The following HYCC1 variants were observed in gnomAD, a reference collection of about 807,000 sequenced individuals.
HYCC1 encodes the protein hyccin.
the HYCC1 span, among the ~76,000 whole-genome samples, chr7:22,925,399 G>A: frequency 6.6e-6 from 1 of 152,186 alleles, no homozygotes; most frequent in Non-Finnish European, 1.5e-5. Context: ...AAAGGAGGAA[G>A]TTCGAACCAA....
the HYCC1 span, chr7:22,942,581 G>C: frequency 6.6e-6 from 1 of 152,138 alleles, no homozygotes; most frequent in South Asian, 2.1e-4. Context: ...GTGATTTCAA[G>C]AATCTATAGA....
the HYCC1 span, chr7:22,977,218 G>A: frequency 2.1e-5 from 15 of 700,282 alleles, no homozygotes; most frequent in African/African-American, 2.1e-4. Flanking sequence ...ATACTTTGTG[G>A]GTGTTTATAC....
At chr7:22,979,218 G>A in the HYCC1 span, among the ~76,000 whole-genome samples, 1 of 152,134 alleles carries the variant, frequency 6.6e-6, no homozygotes, top group Non-Finnish European at 1.5e-5. Flanking sequence ...TGGATGTTTT[G>A]ATTTCAAGTA....
chr7:22,914,359 G>A, the HYCC1 span, among the ~76,000 whole-genome samples: 2 of 152,068 alleles, frequency 1.3e-5, no homozygotes, highest in Non-Finnish European at 2.9e-5. Flanking sequence ...CTCTGGGCTT[G>A]CCTCCTTCAC....
At chr7:22,978,540 A>T in the HYCC1 span, 3 of 1,062,092 alleles carry the variant, frequency 2.8e-6, no homozygotes, top group Admixed American at 2.1e-5. Flanking sequence ...AGATTGGTAA[A>T]AATCATATCT....
the HYCC1 span, among the ~76,000 whole-genome samples, chr7:23,005,728 G>A: frequency 6.6e-6 from 1 of 152,148 alleles, no homozygotes; most frequent in Non-Finnish European, 1.5e-5. Flanking sequence ...CCTGAAGCAA[G>A]AGTCTTCCTT....
chr7:22,918,722 G>A, the HYCC1 span, among the ~76,000 whole-genome samples: 1 of 151,910 alleles, frequency 6.6e-6, no homozygotes, highest in Non-Finnish European at 1.5e-5. Context: ...TGAGCACCTT[G>A]TGACCCCCCA....
the HYCC1 span, among the ~76,000 whole-genome samples, chr7:22,986,474 G>C: frequency 6.6e-6 from 1 of 152,198 alleles, no homozygotes; most frequent in Admixed American, 6.5e-5. Context: ...TTAAATACTA[G>C]CTTAGCTTTC....
chr7:22,928,194 T>A, the HYCC1 span, among the ~76,000 whole-genome samples: 2 of 152,120 alleles, frequency 1.3e-5, no homozygotes, highest in African/African-American at 4.8e-5. Context: ...CTCAAAATAA[T>A]AAGAGCTATC....
At chr7:22,984,514 G>A in the HYCC1 span, among the ~76,000 whole-genome samples, 5 of 152,066 alleles carry the variant, frequency 3.3e-5, no homozygotes, top group African/African-American at 1.2e-4. Flanking sequence ...GACCCCAGGA[G>A]TTCAAGACCA....
the HYCC1 span, among the ~76,000 whole-genome samples, chr7:22,931,360 C>T: frequency 1.3e-5 from 2 of 151,394 alleles, no homozygotes; most frequent in African/African-American, 4.9e-5. Flanking sequence ...GCCTCCAGAA[C>T]TGTGAGAGAA....
the HYCC1 span, chr7:22,942,790 G>T: frequency 6.6e-6 from 1 of 152,100 alleles, no homozygotes; most frequent in Admixed American, 6.6e-5. Context: ...AGTTCAGTGG[G>T]GAGAAAGTAG....
At chr7:22,934,693 G>A in the HYCC1 span, 1 of 152,344 alleles carries the variant, frequency 6.6e-6, no homozygotes, top group Admixed American at 6.5e-5. Flanking sequence ...AAGTCCAGAG[G>A]AAACCTGACA....
chr7:22,991,180 T>C, the HYCC1 span: 8,495 of 1,311,168 alleles, frequency 6.5e-3, 36 homozygotes, highest in Non-Finnish European at 8.3e-3. Context: ...TTTGAATATA[T>C]TTTATTTAGT....
the HYCC1 span, among the ~76,000 whole-genome samples, chr7:22,898,256 C>T: frequency 6.6e-6 from 1 of 152,034 alleles, no homozygotes; most frequent in Non-Finnish European, 1.5e-5. Context: ...CTCTGTCACC[C>T]AGGCTGGAGT....
chr7:22,911,532 G>T, the HYCC1 span, among the ~76,000 whole-genome samples: 1 of 152,170 alleles, frequency 6.6e-6, no homozygotes, highest in Non-Finnish European at 1.5e-5. Flanking sequence ...GCCCGAGGTG[G>T]GCGGATCACG....
chr7:22,920,362 A>T, the HYCC1 span, among the ~76,000 whole-genome samples: 3 of 152,246 alleles, frequency 2.0e-5, no homozygotes, highest in South Asian at 6.2e-4. Context: ...TAAAAAGAAC[A>T]AAAGAAAAGA....
the HYCC1 span, among the ~76,000 whole-genome samples, chr7:22,949,584 TA>T: frequency 6.6e-6 from 1 of 151,574 alleles, no homozygotes; most frequent in East Asian, 1.9e-4. Flanking sequence ...TAGGTCTGTG[TA>T]TTTTTTTAAT....
the HYCC1 span, among the ~76,000 whole-genome samples, chr7:22,987,525 G>A: frequency 1.3e-5 from 2 of 152,220 alleles, no homozygotes; most frequent in Non-Finnish European, 2.9e-5. Context: ...TCCAGCTTGG[G>A]TGACAGTGTG....
Sources: allele counts gnomAD v4.1 joint callset (sites outside exome capture counted in the v4.1 genomes callset), GRCh38; gene constraint gnomAD v4.1.1; transcripts MANE v1.5; gene names NCBI Gene and HGNC (gene_info 2026-07-23, HGNC 2026-07-21).